Variants in DGKB observed in about 807,000 individuals in gnomAD.
The protein encoded by DGKB is diacylglycerol kinase beta.
A neutral mutation model predicts 114.3 loss-of-function variants in DGKB; 67 were observed. The observed-to-expected ratio is 0.59, with a 90% CI of 0.48 to 0.72. DGKB has a LOEUF of 0.72. DGKB is among the 30% of genes least tolerant of loss of function. The pLI is 0.00. For missense variants in DGKB, 907 were observed against 975.2 expected, an observed-to-expected ratio of 0.93 and a Z score of 0.93; for synonymous variants, 398 against 323.1, an observed-to-expected ratio of 1.23 and a Z score of -2.49.
chr7:14,619,382 T>C (rs1807183672), intron 15 of DGKB, among the ~76,000 whole-genome samples: 1 of 151,708 alleles, frequency 6.6e-6, no homozygotes, highest in Non-Finnish European at 1.5e-5. Flanking sequence ...TTTCAGATTA[T>C]TTTAAAATAG....
chr7:14,264,871 G>A (rs1562781874), intron 23 of DGKB, among the ~76,000 whole-genome samples: 1 of 152,198 alleles, frequency 6.6e-6, no homozygotes, highest in Admixed American at 6.5e-5. Flanking sequence ...AAAAATGGGG[G>A]TTGTTGTTTT....
chr7:14,756,462 C>G (rs1415471311), intron 3 of DGKB, among the ~76,000 whole-genome samples: 4 of 151,426 alleles, frequency 2.6e-5, no homozygotes, highest in Non-Finnish European at 5.9e-5. Context: ...CTTTAAATAG[C>G]CTTTATTTTC....
At chr7:14,950,539 A>G (rs111771887) in intron 1 of DGKB, among the ~76,000 whole-genome samples, 4,914 of 152,078 alleles carry the variant, frequency 0.032, 260 homozygotes, top group African/African-American at 0.11. Flanking sequence ...AAGGAAAAAG[A>G]CACAAATTAC....
chr7:14,802,217 T>G (rs1842263708), intron 2 of DGKB, among the ~76,000 whole-genome samples: 2 of 152,144 alleles, frequency 1.3e-5, no homozygotes, highest in Admixed American at 6.6e-5. Context: ...TTCCAATGAT[T>G]CCAATTATTG....
At chr7:14,335,260 TCTTTAAATTAAAATAAAAGAGTAAA>T (rs1464459309) in intron 23 of DGKB, among the ~76,000 whole-genome samples, 1 of 152,070 alleles carries the variant, frequency 6.6e-6, no homozygotes, top group Non-Finnish European at 1.5e-5. Flanking sequence ...CTATGATATT[TCTTTAAATTAAAATAAAAGAGTAAA>T]CTTTAAATTA....
chr7:14,596,685 G>C (rs1802636272), intron 17 of DGKB, among the ~76,000 whole-genome samples: 1 of 152,150 alleles, frequency 6.6e-6, no homozygotes, highest in South Asian at 2.1e-4. Flanking sequence ...GATGAAAAAG[G>C]AGTTGGAATG....
rs371411664 is a variant in DGKB, at chr7:14,652,259, T to G, written c.1134+20670A>C. ...ACCTGACTTCAAACTATACTACAAG[T>G]CTACAGTAACCCAAACAGCACGGTA... On this transcript the variant is annotated intron_variant, in intron 13 of 25. Coordinates refer to ENST00000402815, the MANE Select transcript of DGKB (RefSeq NM_001350709.2). Among the ~76,000 whole-genome samples, 1,214 of 151,944 alleles carry G rather than the reference T, an allele frequency of 8.0e-3. 12 individuals are homozygous for G. The highest frequency in any genetic ancestry group is 0.031 in the East Asian group (159 of 5,162).
At chr7:14,267,464 G>A (rs886610920) in intron 23 of DGKB, among the ~76,000 whole-genome samples, 3 of 143,284 alleles carry the variant, frequency 2.1e-5, no homozygotes, top group African/African-American at 5.1e-5. Context: ...TGTAATAAGT[G>A]CTTATTTTTT....
chr7:14,479,372 C>T (rs1353371210), intron 20 of DGKB, among the ~76,000 whole-genome samples: 2 of 152,044 alleles, frequency 1.3e-5, no homozygotes, highest in Non-Finnish European at 2.9e-5. Context: ...CAGAGAGTTG[C>T]AGGATACAGC....
chr7:14,958,475 ACC>A (rs1554353805), intron 1 of DGKB, among the ~76,000 whole-genome samples: 33 of 144,382 alleles, frequency 2.3e-4, no homozygotes, highest in Admixed American at 1.1e-3. Flanking sequence ...ACACACACAC[ACC>A]CCGTCCAGGA....
chr7:14,153,594 T>TTA (rs1782548105), intron 25 of DGKB, among the ~76,000 whole-genome samples: 1 of 152,044 alleles, frequency 6.6e-6, no homozygotes, highest in Non-Finnish European at 1.5e-5. Context: ...TCCTTGCTAA[T>TTA]TCCTACCTCT....
intron 25 of DGKB, among the ~76,000 whole-genome samples, chr7:14,171,013 C>T (rs765575553): frequency 1.3e-4 from 20 of 152,104 alleles, no homozygotes; most frequent in Non-Finnish European, 2.8e-4. Flanking sequence ...GACAGGTGCT[C>T]ATAGGGTACC....
At chr7:14,159,936 G>C (rs1783612487) in intron 25 of DGKB, among the ~76,000 whole-genome samples, 1 of 152,126 alleles carries the variant, frequency 6.6e-6, no homozygotes, top group Admixed American at 6.5e-5. Flanking sequence ...GCCTCTTAGA[G>C]TGCTGGAATT....
intron 12 of DGKB, among the ~76,000 whole-genome samples, chr7:14,675,776 T>C (rs1298550382): frequency 6.6e-6 from 1 of 152,018 alleles, no homozygotes; most frequent in Non-Finnish European, 1.5e-5. Flanking sequence ...AACCAAGAAG[T>C]CTATATTTGA....
intron 20 of DGKB, among the ~76,000 whole-genome samples, chr7:14,532,742 TA>T (rs1406043405): frequency 1.3e-5 from 2 of 151,574 alleles, no homozygotes; most frequent in African/African-American, 4.8e-5. Context: ...AGAAAATCGG[TA>T]AAGACATGGA....
intron 21 of DGKB, among the ~76,000 whole-genome samples, chr7:14,383,894 G>A (rs1819897428): frequency 6.6e-6 from 1 of 152,106 alleles, no homozygotes; most frequent in Admixed American, 6.5e-5. Flanking sequence ...GTGTCATTTG[G>A]CACAGCCTGT....
chr7:14,299,809 ACTC>A (rs1803202041), intron 23 of DGKB, among the ~76,000 whole-genome samples: 2 of 151,728 alleles, frequency 1.3e-5, no homozygotes, highest in Non-Finnish European at 2.9e-5. Flanking sequence ...CGTGCCCTTC[ACTC>A]CTCATTTCTG....
intron 8 of DGKB, 140 bp downstream of exon 8, chr7:14,697,951 GAGAT>G (rs1301182408): frequency 5.1e-6 from 3 of 591,076 alleles, no homozygotes; most frequent in African/African-American, 4.2e-5. Context: ...AACAGAAAGG[GAGAT>G]AGAAGGAAGG....
chr7:14,577,175 A>C (rs1204795770), intron 19 of DGKB, among the ~76,000 whole-genome samples: 1 of 152,202 alleles, frequency 6.6e-6, no homozygotes, highest in Non-Finnish European at 1.5e-5. Flanking sequence ...TAAAGCCTGT[A>C]ATCAATCCAG....
Sources: gnomAD v4.1 joint callset for allele counts (sites outside exome capture counted in the v4.1 genomes callset) on GRCh38, gnomAD v4.1.1 for gene constraint, MANE v1.5 for transcripts, NCBI Gene and HGNC (gene_info 2026-07-23, HGNC 2026-07-21) for gene names.